PARP1: variants seen among roughly 807,000 people sequenced by gnomAD.
The protein encoded by PARP1 is poly(ADP-ribose) polymerase 1.
A neutral mutation model predicts 118.7 loss-of-function variants in PARP1; 44 were observed. The ratio of observed to expected loss-of-function variants is 0.37; its 90% CI spans 0.29 to 0.48. The LOEUF is 0.48. PARP1 is among the 20% of genes least tolerant of loss of function. The pLI is 0.99. For missense variants in PARP1, 1,100 were observed against 1,272.4 expected (o/e 0.86, Z 2.06); for synonymous variants, 492 against 483.2 (o/e 1.02, Z -0.24).
At chr1:226,372,527 T>C (rs1456560530) in intron 14 of PARP1, among the ~76,000 whole-genome samples, 1 of 151,744 alleles carries the variant, frequency 6.6e-6, no homozygotes. Flanking sequence ...AAAAAACAAT[T>C]AGCCAGGCAC....
In PARP1 at chr1:226,403,421, G is replaced by A. The variant is rs3219021; in HGVS notation, c.121-1042C>T. Among the ~76,000 whole-genome samples the A allele has an allele frequency of 6.6e-3, 1,005 of 152,334 alleles. 14 individuals are homozygous for A. The highest frequency in any genetic ancestry group is 0.023 in the African/African-American group (954 of 41,576). ...TCTCGAACTTCTGACCTCGTGACCC[G>A]CCCGCCTCGGCTTCCCGAAGTGCTG... On this transcript the variant is annotated intron_variant, in intron 1 of 22. Coordinates refer to ENST00000366794, the MANE Select transcript of PARP1 (RefSeq NM_001618.4).
At chr1:226,378,265 G>T (rs1558236759) in intron 12 of PARP1, among the ~76,000 whole-genome samples, 1 of 151,858 alleles carries the variant, frequency 6.6e-6, no homozygotes, top group African/African-American at 2.4e-5. Context: ...TTTTGTGGTG[G>T]CTGTACTGAG....
In PARP1 at chr1:226,381,078, G is replaced by C; in HGVS notation, c.1290C>G (p.Ile430Met). 1 of 1,614,202 alleles carries C rather than the reference G, an allele frequency of 6.2e-7. No homozygotes were observed. Among genetic ancestry groups the C allele is most frequent in the South Asian group, 1.1e-5 (1 of 91,082 alleles). ...TGTANKASLC[I>M]STKKEVEKMN... ...TCAGATTCAACTCACTTTTGGTGCT[G>C]ATGCACAGGGAAGCCTTGTTGGCCG... The change falls in exon 9 of 23, where the codon ATC (isoleucine) becomes ATG (methionine). Residue 430 changes from isoleucine (I) to methionine (M), a missense_variant. Around this residue, in one of 2 missense-constraint regions of PARP1, gnomAD observed 948 missense variants for 1,031.8 expected, o/e 0.92. Transcript: ENST00000366794.
At position 226,363,130 on chromosome 1, in the gene PARP1, G is replaced by A; in HGVS notation, c.2817C>T (p.Ser939=). 6.2e-7 allele frequency: 1 copy of A among 1,613,738 alleles called. No individual in the cohort carries two copies. Among genetic ancestry groups the A allele is most frequent in the Non-Finnish European group, 8.5e-7 (1 of 1,179,624 alleles). Reference sequence around the variant, plus strand: ...CACTGTGCTTGCCCTTGGGTAACTTGCTGATATGTGAAGCGTGCTTCAGTT... The same window carrying A: ...CACTGTGCTTGCCCTTGGGTAACTTACTGATATGTGAAGCGTGCTTCAGTT... ...MYELKHASHI[S]KLPKGKHSVK... Residue 939 remains serine (S), a synonymous_variant, in exon 21 of 23, where the codon AGC becomes AGT. Coordinates refer to ENST00000366794, the MANE Select transcript of PARP1 (RefSeq NM_001618.4).
At chr1:226,403,696 T>C (rs1665083668) in intron 1 of PARP1, among the ~76,000 whole-genome samples, 1 of 152,162 alleles carries the variant, frequency 6.6e-6, no homozygotes. Flanking sequence ...GATTTGACAC[T>C]ATGATTCCTC....
Position 226,366,044 on chromosome 1 carries a change from G to C in PARP1, c.2415C>G (p.Asp805Glu). The C allele has an allele frequency of 1.2e-6, 2 of 1,609,826 alleles. No homozygotes were observed. Among genetic ancestry groups the C allele is most frequent in the South Asian group, 2.2e-5 (2 of 90,982 alleles). ...TGATCTCGGCTTCTTCAGAATCTCT[G>C]TCAACCACCTGGATAAACAGAATCT... is the stretch of plus-strand genomic sequence containing the variant. ...EKLKTDIKVVDRDSEEAEIIR... is the reference protein window; with the variant it reads ...EKLKTDIKVVERDSEEAEIIR... Residue 805 changes from aspartate to glutamate, a missense_variant, in exon 18 of 23, where the codon GAC becomes GAG. By Grantham distance (45) the Asp-to-Glu change is conservative (BLOSUM62 2). Transcript: ENST00000366794.
chr1:226,370,368 C>T, intron 15 of PARP1, 66 bp downstream of exon 15: 1 of 1,137,772 alleles, frequency 8.8e-7, no homozygotes, highest in Non-Finnish European at 1.3e-6. Flanking sequence ...CCTGCCACCC[C>T]CAGGTCTCAC....
At chr1:226,407,381 A>AG (rs11399292) in intron 1 of PARP1, among the ~76,000 whole-genome samples, 32,413 of 151,100 alleles carry the variant, frequency 0.21, 4,036 homozygotes, top group East Asian at 0.47. Context: ...TAACAAAAAA[A>AG]AAAAAAACCC....
At chr1:226,374,805 A>C (rs554066272) in intron 13 of PARP1, among the ~76,000 whole-genome samples, 1 of 152,304 alleles carries the variant, frequency 6.6e-6, no homozygotes, top group South Asian at 2.1e-4. Context: ...TGCAAGACTA[A>C]GTTTATATAG....
At position 226,374,771 on chromosome 1, in the gene PARP1, A is replaced by G. The variant is rs187643656; in HGVS notation, c.1942-417T>C. Among the ~76,000 whole-genome samples the G allele has an allele frequency of 6.6e-5, 10 of 152,292 alleles. No individual in the cohort carries two copies. In the East Asian group the frequency reaches 1.9e-3, roughly 29 times the overall value. On this transcript the variant is annotated intron_variant, in intron 13 of 22. Transcript: ENST00000366794. Reference sequence around the variant, plus strand: ...GGACAAATTCCTTCTCTTTTCTCTTACACTTCCTCACACAAGGGCCAGTTG... The same window carrying G: ...GGACAAATTCCTTCTCTTTTCTCTTGCACTTCCTCACACAAGGGCCAGTTG...
chr1:226,387,531 C>T (rs1286637219), intron 5 of PARP1, among the ~76,000 whole-genome samples: 2 of 152,304 alleles, frequency 1.3e-5, no homozygotes, highest in African/African-American at 4.8e-5. Context: ...ACGTCTGCAC[C>T]TGTTTCCCAG....
chr1:226,361,370 A>G lies in PARP1; in HGVS notation c.*90T>C, dbSNP rs1664133288. ...TGGTTTAGTACAGGTACTACCCATC[A>G]GCAACTTAGCGGCCAGGTGAGTTGG... is the stretch of plus-strand genomic sequence containing the variant. On this transcript the variant is annotated 3_prime_UTR_variant, in exon 23 of 23. Transcript: ENST00000366794. 1 of 812,266 alleles carries G rather than the reference A, an allele frequency of 1.2e-6. No homozygotes were observed. Among genetic ancestry groups the G allele is most frequent in the Non-Finnish European group, 2.2e-6 (1 of 464,228 alleles). The allele number at this position is 812,266 out of a possible 1,614,324, so 50.3% of individuals were successfully genotyped here.
At position 226,381,119 on chromosome 1, in the gene PARP1, C is replaced by T. The variant is rs1044747889; in HGVS notation, c.1249G>A (p.Gly417Arg). 1 of 1,614,182 alleles carries T rather than the reference C, an allele frequency of 6.2e-7. No homozygotes were observed. Among genetic ancestry groups the T allele is most frequent in the Non-Finnish European group, 8.5e-7 (1 of 1,180,020 alleles). Residue 417 changes from glycine (G) to arginine (R), a missense_variant, in exon 9 of 23, where the codon GGG (glycine) becomes AGG (arginine). By Grantham distance (125) the Gly-to-Arg change is moderately radical (BLOSUM62 -2). Transcript: ENST00000366794. ...EVKAMIEKLG[G>R]KLTGTANKAS... ...TTGTTGGCCGTCCCCGTCAACTTCC[C>T]CCCGAGTTTCTCAATCATGGCCTTC...
At position 226,361,364 on chromosome 1, in the gene PARP1, C is replaced by G; in HGVS notation, c.*96G>C. On this transcript the variant is annotated 3_prime_UTR_variant, in exon 23 of 23. Coordinates refer to ENST00000366794, the MANE Select transcript of PARP1 (RefSeq NM_001618.4). The stretch of plus-strand genomic sequence containing the variant: ...CTGAGGTGGTTTAGTACAGGTACTA[C>G]CCATCAGCAACTTAGCGGCCAGGTG... 1.3e-6 allele frequency: 1 copy of G among 774,308 alleles called. No individual in the cohort carries two copies. The highest frequency in any genetic ancestry group is 2.3e-6 in the Non-Finnish European group (1 of 431,308). The allele number at this position is 774,308 out of a possible 1,614,324, so 48.0% of individuals were successfully genotyped here.
rs758506201 is a variant in PARP1, at chr1:226,370,463, C to T, written c.2125G>A (p.Ala709Thr). Reference protein sequence around the residue: ...GKLSKRQIQAAYSILSEVQQA... With the variant: ...GKLSKRQIQATYSILSEVQQA... ...TGGACCTCACTGAGGATGGAGTATG[C>T]GGCCTGGATCTGCCTTTTGCTCAGC... Residue 709 changes from alanine (A) to threonine (T), a missense_variant, in exon 15 of 23, where the codon GCA (alanine) becomes ACA (threonine). By Grantham distance (58) the Ala-to-Thr change is moderately conservative. This residue lies in a region of PARP1 where 948 missense variants were observed against 1,031.8 expected (regional missense o/e 0.92). Transcript: ENST00000366794. 19 of 1,613,732 alleles carry T rather than the reference C, an allele frequency of 1.2e-5. No homozygotes were observed. The highest frequency in any genetic ancestry group is 4.5e-5 in the East Asian group (2 of 44,878).
At chr1:226,403,461 AACC>A (rs1228101813) in intron 1 of PARP1, among the ~76,000 whole-genome samples, 1 of 152,246 alleles carries the variant, frequency 6.6e-6, no homozygotes, top group Non-Finnish European at 1.5e-5. Context: ...TACAGGCATG[AACC>A]ACTGCACCCA....
rs1805402 is a variant in PARP1 at position 226,368,449 on chromosome 1, G to T, written c.2155-128C>A. The T allele has an allele frequency of 4.3e-6, 5 of 1,171,126 alleles. No homozygotes were observed. The African/African-American group carries it at 7.6e-5, about 18-fold the overall frequency. 72.5% of individuals were successfully genotyped at this position (1,171,126 alleles called of 1,614,324 possible). On this transcript the variant is annotated intron_variant, in intron 15 of 22. Transcript: ENST00000366794. ...GTAGCGTGGTATGTGCACATGCCAG[G>T]ACACATGGGAAACGACCAGAAGACC... is the stretch of plus-strand genomic sequence containing the variant.
rs1465446666 is a variant in PARP1 at position 226,407,985 on chromosome 1, G to T, written c.-56C>A. 1.2e-6 allele frequency: 2 copies of T among 1,608,240 alleles called. No homozygotes were observed. The highest frequency in any genetic ancestry group is 2.7e-5 in the African/African-American group (2 of 74,784). On this transcript the variant is annotated 5_prime_UTR_variant, in exon 1 of 23. Coordinates refer to ENST00000366794, the MANE Select transcript of PARP1 (RefSeq NM_001618.4). ...GCCCGACGCCACGACCTAGAAACAC[G>T]CTGCCGCCTCGCCGCCTCGCGTGCG... is the stretch of plus-strand genomic sequence containing the variant.
At chr1:226,367,640 G>GT in intron 16 of PARP1, 32 bp from the exon 17 acceptor site, 1 of 1,613,086 alleles carries the variant, frequency 6.2e-7, no homozygotes, top group Non-Finnish European at 8.5e-7. Flanking sequence ...CCCGACTTAG[G>GT]TATCATGGTG....
Sources: gnomAD v4.1 joint callset for allele counts (sites outside exome capture counted in the v4.1 genomes callset) on GRCh38, gnomAD v4.1.1 for gene constraint, gnomAD v4.1.1 regional missense constraint, MANE v1.5 for transcripts, NCBI Gene and HGNC (gene_info 2026-07-23, HGNC 2026-07-21) for gene names.